The following ZNF827 variants were observed in gnomAD, a reference collection of about 807,000 sequenced individuals.
ZNF827 encodes the protein zinc finger protein 827.
A neutral mutation model predicts 102.4 loss-of-function variants in ZNF827; 13 were observed. The ratio of observed to expected loss-of-function variants is 0.13; its 90% CI spans 0.08 to 0.20. ZNF827 has a LOEUF of 0.20. Among genes scored for constraint, ZNF827 ranks in the 10% least tolerant of loss-of-function variants. The pLI is 1.00. For missense variants in ZNF827, 1,103 were observed against 1,344.4 expected (o/e 0.82, Z 2.81); for synonymous variants, 523 against 536.2 (o/e 0.98, Z 0.34).
intron 2 of ZNF827, among the ~76,000 whole-genome samples, chr4:145,898,104 G>A (rs1365715518): frequency 2.6e-5 from 4 of 152,148 alleles, no homozygotes; most frequent in Non-Finnish European, 4.4e-5. Flanking sequence ...GCAGTGAGCC[G>A]AGATCGCACC....
intron 3 of ZNF827, among the ~76,000 whole-genome samples, chr4:145,888,094 C>T (rs986101061): frequency 6.6e-6 from 1 of 152,192 alleles, no homozygotes; most frequent in African/African-American, 2.4e-5. Flanking sequence ...ACTTCTTTTT[C>T]ACCAGATCCT....
intron 8 of ZNF827, among the ~76,000 whole-genome samples, chr4:145,805,204 C>T (rs1741297585): frequency 1.3e-5 from 2 of 149,770 alleles, no homozygotes; most frequent in African/African-American, 4.9e-5. Context: ...GAAGGCATTC[C>T]CTCTTCTAGA....
chr4:145,807,577 G>A (rs1235840384), intron 8 of ZNF827, among the ~76,000 whole-genome samples: 1 of 151,582 alleles, frequency 6.6e-6, no homozygotes, highest in African/African-American at 2.4e-5. Context: ...GGTTCAAGCA[G>A]TTCTCTGCCT....
At chr4:145,766,957 A>T (rs1310715173) in intron 11 of ZNF827, among the ~76,000 whole-genome samples, 1 of 152,206 alleles carries the variant, frequency 6.6e-6, no homozygotes, top group Non-Finnish European at 1.5e-5. Flanking sequence ...AGCTATCTGC[A>T]TCCTAAAACA....
At chr4:145,877,090 A>C in intron 4 of ZNF827, among the ~76,000 whole-genome samples, 1 of 152,206 alleles carries the variant, frequency 6.6e-6, no homozygotes, top group East Asian at 1.9e-4. Context: ...AAATGTAATA[A>C]ATGTGAACTT....
intron 3 of ZNF827, among the ~76,000 whole-genome samples, chr4:145,888,456 A>G (rs1436446654): frequency 6.6e-6 from 1 of 152,170 alleles, no homozygotes; most frequent in Non-Finnish European, 1.5e-5. Flanking sequence ...TTTCACACAA[A>G]CAACCCATAT....
At position 145,823,532 on chromosome 4, in the gene ZNF827, T is replaced by A. The variant is rs764786615; in HGVS notation, c.2280-7A>T. On this transcript the variant is annotated splice_polypyrimidine_tract_variant and splice_region_variant and intron_variant, in intron 7 of 14. Transcript: ENST00000508784. Reference sequence around the variant, plus strand: ...GTCTTCTGAAAAGAAAGGGCTGGGGTGGGGGAGGGGGAGTGAAGTTTAGTA... The same window carrying A: ...GTCTTCTGAAAAGAAAGGGCTGGGGAGGGGGAGGGGGAGTGAAGTTTAGTA... The A allele has an allele frequency of 3.6e-6, 5 of 1,383,950 alleles. No individual in the cohort carries two copies. The East Asian group carries it at 1.2e-4, about 34-fold the overall frequency. The allele number at this position is 1,383,950 out of a possible 1,614,324, so 85.7% of individuals were successfully genotyped here. A position where few individuals can be genotyped will look rare whatever the true frequency, so the allele number is the denominator to read the frequency against.
intron 8 of ZNF827, among the ~76,000 whole-genome samples, chr4:145,791,157 G>C (rs992965002): frequency 5.3e-5 from 8 of 152,312 alleles, no homozygotes; most frequent in Admixed American, 4.6e-4. Context: ...TTTTCTCACA[G>C]TTCTGGAGGC....
chr4:145,849,448 A>C lies in ZNF827; in HGVS notation c.2095T>G (p.Leu699Val). 1 of 1,614,136 alleles carries C rather than the reference A, an allele frequency of 6.2e-7. No homozygotes were observed. The highest frequency in any genetic ancestry group is 1.1e-5 in the South Asian group (1 of 91,072). Residue 699 changes from leucine to valine, a missense_variant, in exon 6 of 15, where the codon TTA becomes GTA. Physicochemically the swap from Leu to Val is conservative, Grantham distance 32 (BLOSUM62 1). Coordinates refer to ENST00000508784, the MANE Select transcript of ZNF827 (RefSeq NM_001306215.2). ...SPSRNVGYSTLIGREKTEPLQ... is the reference protein window; with the variant it reads ...SPSRNVGYSTVIGREKTEPLQ... ...GGTTCGGTTTTCTCTCGCCCGATTA[A>C]AGTGCTGTAGCCAACATTCCGGCTG...
chr4:145,792,356 T>C (rs1349507302), intron 8 of ZNF827, among the ~76,000 whole-genome samples: 3 of 151,710 alleles, frequency 2.0e-5, no homozygotes, highest in Non-Finnish European at 4.4e-5. Flanking sequence ...GGGCATCCTA[T>C]TGTTTTCAGT....
intron 11 of ZNF827, among the ~76,000 whole-genome samples, chr4:145,770,615 A>G (rs1187022094): frequency 2.6e-5 from 4 of 151,978 alleles, no homozygotes; most frequent in African/African-American, 9.7e-5. Flanking sequence ...AATAATGATA[A>G]CTAATACTTT....
At chr4:145,931,207 TTC>T (rs1444297490) in intron 1 of ZNF827, among the ~76,000 whole-genome samples, 1 of 152,248 alleles carries the variant, frequency 6.6e-6, no homozygotes, top group Non-Finnish European at 1.5e-5. Context: ...TCACACATTA[TTC>T]TCTTATAAAA....
chr4:145,902,214 A>G lies in ZNF827; in HGVS notation c.1045T>C (p.Leu349=), dbSNP rs1372268468. 5.6e-6 allele frequency: 9 copies of G among 1,607,050 alleles called. No homozygotes were observed. The highest frequency in any genetic ancestry group is 7.6e-6 in the Non-Finnish European group (9 of 1,177,300). The change falls in exon 2 of 15, where the codon TTA becomes CTA. Residue 349 remains leucine, a synonymous_variant. Transcript: ENST00000508784. This position sits in a 1 kb window ranked among gnomAD's most constrained non-coding sequence, Gnocchi z 4.3. ...CTTCCCTTAGGAACTGGGAGTAATA[A>G]TAATTCCAGGGATTGTGGTGGTGGT... is the stretch of plus-strand genomic sequence containing the variant. ...PPPPPQSLEL[L]LLPVPKGRVS... is the part of the protein sequence containing the mutation.
chr4:145,824,592 G>A (rs1279015663), intron 7 of ZNF827, among the ~76,000 whole-genome samples: 1 of 152,158 alleles, frequency 6.6e-6, no homozygotes, highest in African/African-American at 2.4e-5. Context: ...CAGCTGCCAT[G>A]GGAGACAGAG....
In ZNF827 at chr4:145,846,001, T is replaced by G. The variant is rs1273936292; in HGVS notation, c.2234A>C (p.Lys745Thr). 2 of 1,614,252 alleles carry G rather than the reference T, an allele frequency of 1.2e-6. No homozygotes were observed. The highest frequency in any genetic ancestry group is 1.7e-6 in the Non-Finnish European group (2 of 1,180,032). ...LLFQLSEKVSKEHNHTKENTI... is the reference protein window; with the variant it reads ...LLFQLSEKVSTEHNHTKENTI... ...GTTTTCTTTTGTATGATTGTGCTCT[T>G]TGCTCACTTTTTCTGTAAGGAGAAA... The change falls in exon 7 of 15, where the codon AAA becomes ACA. Residue 745 changes from lysine to threonine, a missense_variant. Transcript: ENST00000508784.
At chr4:145,804,668 G>T (rs1741231466) in intron 8 of ZNF827, among the ~76,000 whole-genome samples, 1 of 152,130 alleles carries the variant, frequency 6.6e-6, no homozygotes, top group Admixed American at 6.5e-5. Flanking sequence ...CCCTTCAGTG[G>T]CTGTGGTCAT....
intron 1 of ZNF827, among the ~76,000 whole-genome samples, chr4:145,918,554 T>C (rs1479910552): frequency 1.3e-5 from 2 of 151,178 alleles, no homozygotes; most frequent in East Asian, 3.9e-4. Flanking sequence ...AGTTTCATCA[T>C]CATCTTTTTA....
intron 7 of ZNF827, among the ~76,000 whole-genome samples, chr4:145,829,749 T>A (rs541413141): frequency 6.6e-6 from 1 of 152,150 alleles, no homozygotes; most frequent in Non-Finnish European, 1.5e-5. Context: ...CCTCACCAGG[T>A]GGTTTTCTAT....
At chr4:145,839,340 G>C (rs985421559) in intron 7 of ZNF827, 4 of 152,260 alleles carry the variant, frequency 2.6e-5, no homozygotes, top group African/African-American at 9.6e-5. Context: ...GCCAACCGCA[G>C]ACCAAGGAAG....
Sources: gnomAD v4.1 joint callset for allele counts (sites outside exome capture counted in the v4.1 genomes callset) on GRCh38, gnomAD v4.1.1 for gene constraint, Gnocchi (gnomAD v3.1) non-coding constraint, MANE v1.5 for transcripts, NCBI Gene and HGNC (gene_info 2026-07-23, HGNC 2026-07-21) for gene names.